The following NUP98 variants were observed in gnomAD, a reference collection of about 807,000 sequenced individuals.
NUP98 encodes nucleoporin 98 and 96 precursor.
In NUP98, 26 loss-of-function variants were observed where a neutral mutation model predicts 191.9. The observed-to-expected ratio is 0.14, with a 90% confidence interval of 0.10 to 0.19. NUP98 has a LOEUF of 0.19. Ranked by LOEUF, NUP98 falls within the 10% of genes least tolerant of loss-of-function variation. NUP98 has a pLI of 1.00. For synonymous variants in NUP98, 808 were observed against 778.4 expected (o/e 1.04, Z -0.63); for missense variants, 1,941 against 2,178.8 (o/e 0.89, Z 2.17).
intron 12 of NUP98, among the ~76,000 whole-genome samples, chr11:3,739,299 G>C (rs192274755): frequency 9.2e-5 from 14 of 152,200 alleles, no homozygotes; most frequent in African/African-American, 3.1e-4. Context: ...ACTCAGGCTG[G>C]AGCGCAGTAG....
At chr11:3,696,353 T>C (rs769361271) in intron 25 of NUP98, among the ~76,000 whole-genome samples, 78 of 151,898 alleles carry the variant, frequency 5.1e-4, no homozygotes, top group Non-Finnish European at 4.3e-4. Context: ...AATACAAAAA[T>C]TAGCCTGGCG....
intron 11 of NUP98, among the ~76,000 whole-genome samples, chr11:3,745,483 C>G (rs1397842527): frequency 6.6e-6 from 1 of 152,060 alleles, no homozygotes; most frequent in Non-Finnish European, 1.5e-5. Context: ...TGCTTAGGGA[C>G]CTTGTTGCCG....
chr11:3,676,790 T>C (rs2077826812), intron 31 of NUP98, 170 bp from the exon 32 acceptor site: 1 of 744,396 alleles, frequency 1.3e-6, no homozygotes, highest in East Asian at 2.5e-5. Context: ...AAGGCACTAA[T>C]TATGCAGTAA....
At chr11:3,784,675 GC>G (rs2133960580) in intron 1 of NUP98, among the ~76,000 whole-genome samples, 1 of 151,708 alleles carries the variant, frequency 6.6e-6, no homozygotes, top group South Asian at 2.1e-4. Flanking sequence ...AATCACTTTA[GC>G]CCAGGAGTTC....
chr11:3,725,088 C>G lies in NUP98; in HGVS notation c.1847+15G>C. 2 of 1,158,078 alleles carry G rather than the reference C, an allele frequency of 1.7e-6. No individual in the cohort carries two copies. The highest frequency in any genetic ancestry group is 1.3e-6 in the Non-Finnish European group (1 of 774,148). The allele number at this position is 1,158,078 out of a possible 1,614,324, so 71.7% of individuals were successfully genotyped here. On this transcript the variant is annotated intron_variant, in intron 15 of 32. Transcript: ENST00000324932. ...ACTCTCTACTAAGAAGAACTCAAAACAGAATTCAGTGTACCTCTCTCCATT... is the reference window on the plus strand; with the variant it reads ...ACTCTCTACTAAGAAGAACTCAAAAGAGAATTCAGTGTACCTCTCTCCATT...
chr11:3,676,596 C>G lies in NUP98; in HGVS notation c.5098G>C (p.Glu1700Gln). Residue 1700 changes from glutamate to glutamine, a missense_variant, in exon 32 of 33, where the codon GAG becomes CAG. Glu to Gln is a conservative substitution (Grantham distance 29, BLOSUM62 2). Transcript: ENST00000324932. ...QQVDCSGNDLEQLHIKVTSLC... is the reference protein window; with the variant it reads ...QQVDCSGNDLQQLHIKVTSLC... ...GAAGTCACTTTGATGTGTAACTGCT[C>G]CAGGTCATTACCTGAGCAATCCACC... is the stretch of plus-strand genomic sequence containing the variant. 1 of 1,614,106 alleles carries G rather than the reference C, an allele frequency of 6.2e-7. No individual in the cohort carries two copies. Among genetic ancestry groups the G allele is most frequent in the East Asian group, 2.2e-5 (1 of 44,880 alleles).
intron 17 of NUP98, 89 bp from the exon 18 acceptor site, chr11:3,719,639 G>A (rs2079318555): frequency 1.0e-6 from 1 of 978,968 alleles, no homozygotes; most frequent in Non-Finnish European, 1.4e-6. Flanking sequence ...ATCACAAGGA[G>A]AAAGCAGTTT....
chr11:3,781,575 A>T (rs1183049460), intron 2 of NUP98: 1 of 151,986 alleles, frequency 6.6e-6, no homozygotes, highest in African/African-American at 2.4e-5. Flanking sequence ...TGCTTCAGGC[A>T]ATTAGTCATA....
chr11:3,702,282 C>G (rs1011022997), intron 23 of NUP98, among the ~76,000 whole-genome samples, 181 bp downstream of exon 23: 14 of 61,290 alleles, frequency 2.3e-4, no homozygotes, highest in Admixed American at 1.5e-3. Context: ...AAAACTGAGA[C>G]ACACACACAC....
At chr11:3,701,666 GT>G (rs1407944761) in intron 23 of NUP98, among the ~76,000 whole-genome samples, 2 of 151,268 alleles carry the variant, frequency 1.3e-5, no homozygotes, top group Non-Finnish European at 3.0e-5. Context: ...AAGAGACATT[GT>G]TGTTTTTTCT....
Position 3,693,224 on chromosome 11 carries a change from A to G in NUP98, c.4311+8T>C, listed in dbSNP as rs372709974. On this transcript the variant is annotated splice_region_variant and intron_variant, in intron 27 of 32. Transcript: ENST00000324932. Reference sequence around the variant, plus strand: ...AGATTTTTGCTTGGCTCTATTGGCCACATATACCTGAAATGCTTCTTCATA... The same window carrying G: ...AGATTTTTGCTTGGCTCTATTGGCCGCATATACCTGAAATGCTTCTTCATA... The G allele has an allele frequency of 6.8e-4, 1,091 of 1,613,618 alleles. No homozygotes were observed. The highest frequency in any genetic ancestry group is 8.4e-4 in the Non-Finnish European group (994 of 1,179,752).
intron 4 of NUP98, among the ~76,000 whole-genome samples, chr11:3,777,486 T>C (rs1404458019): frequency 6.6e-6 from 1 of 151,928 alleles, no homozygotes. Context: ...CCAGGCGTGA[T>C]GGCGGGCGCC....
At chr11:3,776,050 T>C in intron 4 of NUP98, 29 bp from the exon 5 acceptor site, 3 of 1,549,154 alleles carry the variant, frequency 1.9e-6, no homozygotes, top group Non-Finnish European at 2.6e-6. Flanking sequence ...AATGAGACGA[T>C]AACAGTAAGA....
intron 25 of NUP98, among the ~76,000 whole-genome samples, chr11:3,698,263 A>C (rs1275057585): frequency 6.6e-6 from 1 of 152,224 alleles, no homozygotes; most frequent in East Asian, 1.9e-4. Flanking sequence ...TTACAAAGTA[A>C]AGAATTAAGT....
chr11:3,718,619 T>C (rs981488605), intron 18 of NUP98, among the ~76,000 whole-genome samples: 2 of 152,092 alleles, frequency 1.3e-5, no homozygotes, highest in South Asian at 2.1e-4. Context: ...AAGGATCGAT[T>C]GATCTGCTCA....
intron 10 of NUP98, among the ~76,000 whole-genome samples, chr11:3,759,005 T>A (rs1054853271): frequency 5.3e-5 from 8 of 152,226 alleles, no homozygotes; most frequent in Non-Finnish European, 2.9e-5. Context: ...ATCTACCTTC[T>A]TCCTGTAGTT....
Position 3,742,692 on chromosome 11 carries a change from C to CT in NUP98, c.1408+1816dup, listed in dbSNP as rs538125785. Among the ~76,000 whole-genome samples, 561 of 91,450 alleles carry CT rather than the reference C, an allele frequency of 6.1e-3. 7 individuals carry two copies. Among genetic ancestry groups the CT allele is most frequent in the African/African-American group, 0.022 (537 of 24,300 alleles). 60.0% of individuals were successfully genotyped at this position (91,450 alleles called of 152,430 possible). The stretch of plus-strand genomic sequence containing the variant: ...CCAGCCTAGGAGATAGAGCAAGACT[C>CT]TGTCTCCAAAAAAAAAAAAAAAAAA... On this transcript the variant is annotated intron_variant, in intron 12 of 32. Coordinates refer to ENST00000324932, the MANE Select transcript of NUP98 (RefSeq NM_016320.5).
chr11:3,711,593 T>C (rs770073571), intron 20 of NUP98: 53 of 157,340 alleles, frequency 3.4e-4, no homozygotes, highest in Non-Finnish European at 5.9e-4. Context: ...AATATATATA[T>C]AAGGTTATAA....
intron 14 of NUP98, among the ~76,000 whole-genome samples, 166 bp downstream of exon 14, chr11:3,731,225 T>C (rs149033275): frequency 0.015 from 2,314 of 149,932 alleles, 48 homozygotes; most frequent in African/African-American, 0.051. Flanking sequence ...GATCATGCCA[T>C]TGCACTCCAG....
Sources: gnomAD v4.1 joint callset for allele counts (sites outside exome capture counted in the v4.1 genomes callset) on GRCh38, gnomAD v4.1.1 for gene constraint, MANE v1.5 for transcripts, NCBI Gene and HGNC (gene_info 2026-07-23, HGNC 2026-07-21) for gene names.